PRKAR1B: variants seen among roughly 807,000 people sequenced by gnomAD.
PRKAR1B encodes the protein protein kinase cAMP-dependent type I regulatory subunit beta, also known as cAMP-dependent protein kinase type I-beta regulatory subunit.
PRKAR1B carries 22 observed loss-of-function variants against 46.5 expected under a neutral mutation model. That is an observed-to-expected ratio of 0.47 (90% CI 0.34 to 0.68). The LOEUF (loss-of-function observed/expected upper bound fraction) is 0.68, where lower values mean the gene tolerates loss of function less well. PRKAR1B is among the 30% of genes least tolerant of loss of function. PRKAR1B has a pLI of 0.01. For missense variants in PRKAR1B, 445 were observed against 535.6 expected, an observed-to-expected ratio of 0.83 and a Z score of 1.67; for synonymous variants, 259 against 217.7, an observed-to-expected ratio of 1.19 and a Z score of -1.67.
intron 9 of PRKAR1B, among the ~76,000 whole-genome samples, chr7:571,847 T>TTCTCA (rs1779534355): frequency 6.6e-6 from 1 of 152,094 alleles, no homozygotes; most frequent in Non-Finnish European, 1.5e-5. Context: ...CGCGGTGAGG[T>TTCTCA]GACGGAACAG....
chr7:632,353 C>G (rs558383461), intron 4 of PRKAR1B, among the ~76,000 whole-genome samples: 1 of 152,172 alleles, frequency 6.6e-6, no homozygotes, highest in African/African-American at 2.4e-5. Context: ...CGCAGAGACC[C>G]GGACTCGAGA....
At chr7:720,351 C>A (rs1241141804) in intron 1 of PRKAR1B, among the ~76,000 whole-genome samples, 3 of 152,192 alleles carry the variant, frequency 2.0e-5, no homozygotes, top group African/African-American at 7.2e-5. Context: ...AGCCACCGCG[C>A]CCAGCCCTCT....
intron 4 of PRKAR1B, among the ~76,000 whole-genome samples, chr7:660,844 A>T (rs1196763674): frequency 1.1e-5 from 1 of 91,118 alleles, no homozygotes; most frequent in Non-Finnish European, 2.1e-5. Flanking sequence ...AACCCAACAG[A>T]TCCAAATACC....
At chr7:610,874 C>A (rs1782441949) in intron 4 of PRKAR1B, among the ~76,000 whole-genome samples, 1 of 152,250 alleles carries the variant, frequency 6.6e-6, no homozygotes, top group East Asian at 1.9e-4. Flanking sequence ...GGTTGCCCCA[C>A]CTACCCCATC....
chr7:562,465 C>A (rs968068639), intron 9 of PRKAR1B, among the ~76,000 whole-genome samples: 13 of 152,180 alleles, frequency 8.5e-5, no homozygotes, highest in Admixed American at 3.3e-4. Context: ...CAGACACCTC[C>A]CTCGGCCTCA....
intron 2 of PRKAR1B, among the ~76,000 whole-genome samples, chr7:685,298 A>ATATACGTATATATATATACG (rs1554303141): frequency 6.8e-5 from 1 of 14,798 alleles, no homozygotes; most frequent in African/African-American, 3.3e-4. Context: ...ATGTATACAT[A>ATATACGTATATATATATACG]TATATATACG....
intron 1 of PRKAR1B, among the ~76,000 whole-genome samples, chr7:721,792 G>A (rs1339927914): frequency 6.6e-6 from 1 of 152,164 alleles, no homozygotes; most frequent in Non-Finnish European, 1.5e-5. Context: ...AGTTTTGCTG[G>A]GTAGAGGACT....
intron 1 of PRKAR1B, among the ~76,000 whole-genome samples, chr7:718,523 A>T (rs1030788319): frequency 6.6e-6 from 1 of 151,580 alleles, no homozygotes; most frequent in South Asian, 2.1e-4. Context: ...CTTCCAGCAA[A>T]TTTTTGTATT....
At chr7:710,683 T>C (rs1295127439) in intron 2 of PRKAR1B, among the ~76,000 whole-genome samples, 2 of 149,516 alleles carry the variant, frequency 1.3e-5, no homozygotes, top group Non-Finnish European at 3.0e-5. Context: ...TCTCGCTCTG[T>C]CGCCCAGGCT....
At chr7:691,644 C>G (rs1779433594) in intron 2 of PRKAR1B, 6 of 1,300,948 alleles carry the variant, frequency 4.6e-6, no homozygotes, top group Non-Finnish European at 5.1e-6. Flanking sequence ...GTGGCCTCCG[C>G]CCAGGTCTCC....
At chr7:562,405 G>A (rs987590341) in intron 9 of PRKAR1B, among the ~76,000 whole-genome samples, 3 of 152,140 alleles carry the variant, frequency 2.0e-5, no homozygotes, top group Admixed American at 1.3e-4. Flanking sequence ...CCAACTCCTC[G>A]TCTGCCCCCA....
Position 714,112 on chromosome 7 carries a change from C to T in PRKAR1B, c.-22-2585G>A, listed in dbSNP as rs1043162214. On this transcript the variant is annotated intron_variant, in intron 1 of 10. Coordinates refer to ENST00000537384, the MANE Select transcript of PRKAR1B (RefSeq NM_001164760.2). The surrounding 1 kb of genome is among the most constrained non-coding windows in gnomAD (Gnocchi z 4.3). ...CCTCCTCCTCCTCCAATTACTCCTG[C>T]TCCTCCAGGGTAGACTGGTGAGGAC... is the stretch of plus-strand genomic sequence containing the variant. Among the ~76,000 whole-genome samples the T allele has an allele frequency of 6.6e-6, 1 of 152,202 alleles. No individual in the cohort carries two copies. Among genetic ancestry groups the T allele is most frequent in the African/African-American group, 2.4e-5 (1 of 41,454 alleles).
At chr7:671,291 G>T (rs1003664231) in intron 4 of PRKAR1B, among the ~76,000 whole-genome samples, 1 of 152,180 alleles carries the variant, frequency 6.6e-6, no homozygotes, top group African/African-American at 2.4e-5. Flanking sequence ...GCTGCCTCTG[G>T]AGGGAACAGC....
intron 7 of PRKAR1B, among the ~76,000 whole-genome samples, chr7:591,264 C>A (rs1444215289): frequency 6.6e-6 from 1 of 152,246 alleles, no homozygotes; most frequent in Non-Finnish European, 1.5e-5. Flanking sequence ...TGGGAGCTGG[C>A]CTCCGAGCTG....
intron 4 of PRKAR1B, among the ~76,000 whole-genome samples, chr7:610,783 C>G (rs1379220550): frequency 6.6e-6 from 1 of 152,228 alleles, no homozygotes; most frequent in Non-Finnish European, 1.5e-5. Flanking sequence ...CTGTAAAAAA[C>G]AGTTTTCTCT....
chr7:727,052 G>C, intron 1 of PRKAR1B, 158 bp downstream of exon 1: 1 of 1,086,298 alleles, frequency 9.2e-7, no homozygotes, highest in Non-Finnish European at 1.1e-6. Flanking sequence ...GCGCGGCCCC[G>C]CGATGCCCTG....
At chr7:669,074 C>T (rs1414272226) in intron 4 of PRKAR1B, among the ~76,000 whole-genome samples, 1 of 152,106 alleles carries the variant, frequency 6.6e-6, no homozygotes, top group Non-Finnish European at 1.5e-5. Context: ...GGAAACAACC[C>T]AAGTGTCCAT....
chr7:578,641 G>A (rs553944146), intron 9 of PRKAR1B, among the ~76,000 whole-genome samples: 3 of 150,606 alleles, frequency 2.0e-5, no homozygotes, highest in East Asian at 3.9e-4. Context: ...ACCCACCCTC[G>A]CACGCCCTGT....
intron 4 of PRKAR1B, chr7:607,971 G>A (rs1485371880): frequency 7.0e-5 from 11 of 156,842 alleles, no homozygotes; most frequent in Non-Finnish European, 1.4e-4. Context: ...ACGCAAACTC[G>A]AAGCCGGTGA....
Sources: gnomAD v4.1 joint callset for allele counts (sites outside exome capture counted in the v4.1 genomes callset) on GRCh38, gnomAD v4.1.1 for gene constraint, Gnocchi (gnomAD v3.1) non-coding constraint, MANE v1.5 for transcripts, NCBI Gene and HGNC (gene_info 2026-07-23, HGNC 2026-07-21) for gene names.